The following ZDHHC17 variants were observed in gnomAD, a reference collection of about 807,000 sequenced individuals.
ZDHHC17 encodes the protein zDHHC palmitoyltransferase 17, also known as palmitoyltransferase ZDHHC17.
A neutral mutation model predicts 90.3 loss-of-function variants in ZDHHC17; 40 were observed. The observed-to-expected ratio is 0.44, with a 90% CI of 0.34 to 0.58. The LOEUF (loss-of-function observed/expected upper bound fraction) is 0.58, where lower values mean the gene tolerates loss of function less well. Ranked by LOEUF, ZDHHC17 falls within the 20% of genes least tolerant of loss-of-function variation. The pLI is 0.01. For synonymous variants in ZDHHC17, 235 were observed against 252.4 expected, an observed-to-expected ratio of 0.93 and a Z score of 0.65; for missense variants, 614 against 780.8, an observed-to-expected ratio of 0.79 and a Z score of 2.55.
intron 1 of ZDHHC17, among the ~76,000 whole-genome samples, chr12:76,781,359 G>A (rs1206367501): frequency 2.6e-5 from 4 of 152,150 alleles, no homozygotes; most frequent in African/African-American, 4.8e-5. Flanking sequence ...AGTGTTAAGC[G>A]ACTTGTATTT....
intron 1 of ZDHHC17, among the ~76,000 whole-genome samples, chr12:76,771,725 A>G (rs1301910142): frequency 6.6e-6 from 1 of 152,164 alleles, no homozygotes; most frequent in Non-Finnish European, 1.5e-5. Flanking sequence ...GGTGGTTACC[A>G]AAACTATCCC....
chr12:76,809,932 G>A (rs1164335049), intron 5 of ZDHHC17, 75 bp downstream of exon 5: 7 of 1,473,050 alleles, frequency 4.8e-6, no homozygotes, highest in Non-Finnish European at 6.5e-6. Flanking sequence ...TATTGGTGTT[G>A]TAACAAGCCG....
At chr12:76,781,018 C>A (rs1396258776) in intron 1 of ZDHHC17, among the ~76,000 whole-genome samples, 1 of 151,474 alleles carries the variant, frequency 6.6e-6, no homozygotes, top group Non-Finnish European at 1.5e-5. Flanking sequence ...CCCGTAGTCC[C>A]AGCTACTCGG....
intron 1 of ZDHHC17, among the ~76,000 whole-genome samples, chr12:76,784,019 T>A (rs1952658295): frequency 6.6e-6 from 1 of 152,224 alleles, no homozygotes; most frequent in Non-Finnish European, 1.5e-5. Flanking sequence ...AGTGATGATT[T>A]TCGACTTCTG....
chr12:76,827,203 CATTGTT>C (rs937998666), intron 9 of ZDHHC17, among the ~76,000 whole-genome samples, 153 bp downstream of exon 9: 3 of 151,918 alleles, frequency 2.0e-5, no homozygotes, highest in Non-Finnish European at 4.4e-5. Flanking sequence ...ATTTTTTAAA[CATTGTT>C]ATGTTATTAA....
intron 9 of ZDHHC17, 113 bp from the exon 10 acceptor site, chr12:76,828,277 T>C: frequency 1.1e-6 from 1 of 885,298 alleles, no homozygotes. Flanking sequence ...GAACTCTGGA[T>C]TCTGGTGAAA....
At chr12:76,828,313 GTCATTTTCATTTAAATAAATAC>G (rs1953254860) in intron 9 of ZDHHC17, 55 bp from the exon 10 acceptor site, 22 of 1,245,342 alleles carry the variant, frequency 1.8e-5, no homozygotes, top group Non-Finnish European at 2.4e-5. Flanking sequence ...CAAAATGTGT[GTCATTTTCATTTAAATAAATAC>G]TCATTTTTAC....
intron 10 of ZDHHC17, among the ~76,000 whole-genome samples, chr12:76,835,635 CTT>C (rs1332856883): frequency 6.6e-5 from 10 of 151,758 alleles, no homozygotes; most frequent in Non-Finnish European, 7.4e-5. Flanking sequence ...TTTCTAATAA[CTT>C]GGGGTATTTT....
At chr12:76,802,102 G>A (rs1464380083) in intron 2 of ZDHHC17, among the ~76,000 whole-genome samples, 1 of 152,006 alleles carries the variant, frequency 6.6e-6, no homozygotes, top group Non-Finnish European at 1.5e-5. Context: ...ATTTCACCTG[G>A]CAGGTCTCCT....
At chr12:76,849,274 A>T in intron 15 of ZDHHC17, 102 bp from the exon 16 acceptor site, 1 of 588,556 alleles carries the variant, frequency 1.7e-6, no homozygotes, top group Admixed American at 3.9e-5. Context: ...GAGGGAGCTG[A>T]GAATTCGCCA....
intron 1 of ZDHHC17, among the ~76,000 whole-genome samples, chr12:76,772,419 C>T (rs1298354218): frequency 1.3e-5 from 2 of 152,060 alleles, no homozygotes. Context: ...TCTACACTAG[C>T]GTGGTACACT....
chr12:76,821,233 G>A, intron 7 of ZDHHC17: 11 of 875,900 alleles, frequency 1.3e-5, no homozygotes, highest in Non-Finnish European at 1.5e-5. Flanking sequence ...TTTGGAATAG[G>A]TAAGGCAATA....
chr12:76,848,116 T>A, intron 14 of ZDHHC17, 117 bp from the exon 15 acceptor site: 2 of 989,180 alleles, frequency 2.0e-6, no homozygotes, highest in Middle Eastern at 2.2e-4. Flanking sequence ...CTATTGAATG[T>A]CATCAGTTAA....
intron 14 of ZDHHC17, among the ~76,000 whole-genome samples, chr12:76,848,010 TAC>T (rs1953515183): frequency 2.6e-5 from 4 of 152,226 alleles, no homozygotes; most frequent in South Asian, 2.1e-4. Flanking sequence ...ATTCTGAAGA[TAC>T]AGTGATTTTT....
intron 1 of ZDHHC17, chr12:76,781,739 G>A (rs1393668587): frequency 4.4e-6 from 2 of 453,434 alleles, no homozygotes; most frequent in Non-Finnish European, 8.8e-6. Flanking sequence ...TTCTGTTATA[G>A]CAACACAAAA....
chr12:76,770,242 A>G (rs1952477416), intron 1 of ZDHHC17, among the ~76,000 whole-genome samples: 2 of 152,246 alleles, frequency 1.3e-5, no homozygotes, highest in African/African-American at 4.8e-5. Flanking sequence ...TCAAATTGAT[A>G]AACAATTGTA....
intron 3 of ZDHHC17, among the ~76,000 whole-genome samples, chr12:76,806,302 G>C (rs1223081927): frequency 6.6e-6 from 1 of 151,882 alleles, no homozygotes; most frequent in Non-Finnish European, 1.5e-5. Flanking sequence ...TTTTGAGATG[G>C]GGTTTTGTTC....
intron 16 of ZDHHC17, 128 bp downstream of exon 16, chr12:76,849,598 C>A: frequency 1.7e-6 from 1 of 592,394 alleles, no homozygotes. Context: ...GAAATAGCAT[C>A]AGTTCACCAT....
chr12:76,842,856 G>C (rs1953451983), intron 11 of ZDHHC17, 63 bp from the exon 12 acceptor site: 1 of 1,190,908 alleles, frequency 8.4e-7, no homozygotes. Context: ...ATTCATAGTG[G>C]TGGCAAAAGA....
Sources: gnomAD v4.1 joint callset for allele counts (sites outside exome capture counted in the v4.1 genomes callset) on GRCh38, gnomAD v4.1.1 for gene constraint, MANE v1.5 for transcripts, NCBI Gene and HGNC (gene_info 2026-07-23, HGNC 2026-07-21) for gene names.